The following CHD9 variants were observed in gnomAD, a reference collection of about 807,000 sequenced individuals.
CHD9 encodes the protein chromodomain helicase DNA binding protein 9, also known as ATP-dependent chromatin remodeler CHD9.
A neutral mutation model predicts 316.1 loss-of-function variants in CHD9; 77 were observed. That is an observed-to-expected ratio of 0.24 (90% CI 0.20 to 0.29). The LOEUF (loss-of-function observed/expected upper bound fraction) is 0.29. Ranked by LOEUF, CHD9 falls within the 10% of genes least tolerant of loss-of-function variation. CHD9 has a pLI of 1.00. For missense variants in CHD9, 2,763 were observed against 3,438.1 expected (o/e 0.80, Z 4.91); for synonymous variants, 1,129 against 1,158.3 (o/e 0.97, Z 0.51).
At position 53,110,791 on chromosome 16, in the gene CHD9, A is replaced by T. The variant is rs551868513; in HGVS notation, c.-164-45135A>T. On this transcript the variant is annotated intron_variant, in intron 1 of 38. Transcript: ENST00000447540. ...TAAAAATGTTAATAAAAATTTTTTT[A>T]AAACCAAAATATTCTGATTTTGAGA... 5.9e-4 allele frequency among the ~76,000 whole-genome samples: 90 copies of T among 152,296 alleles called. 2 individuals carry two copies. The South Asian group carries it at 0.018, about 31-fold the overall frequency.
At chr16:53,255,863 A>C (rs2050546968) in intron 19 of CHD9, 84 bp downstream of exon 19, 2 of 1,242,136 alleles carry the variant, frequency 1.6e-6, no homozygotes, top group South Asian at 2.9e-5. Context: ...CTTATACCGA[A>C]TGTTTAAACA....
Position 53,222,740 on chromosome 16 carries a change from A to G in CHD9, c.1881A>G (p.Lys627=). The G allele has an allele frequency of 6.6e-7, 1 of 1,516,418 alleles. No individual in the cohort carries two copies. The highest frequency in any genetic ancestry group is 9.0e-7 in the Non-Finnish European group (1 of 1,107,652). 93.9% of individuals were successfully genotyped at this position (1,516,418 alleles called of 1,614,324 possible). ...DAEQMPQHTL[K]DQDSQKRRSN... ...AACAGATGCCACAGCATACATTAAA[A>G]GATCAAGACTCTCAAGTGAGTATTA... Residue 627 remains lysine, a synonymous_variant, in exon 4 of 39, where the codon AAA becomes AAG. Transcript: ENST00000447540.
At chr16:53,113,041 G>A (rs2037989772) in intron 1 of CHD9, among the ~76,000 whole-genome samples, 2 of 151,854 alleles carry the variant, frequency 1.3e-5, no homozygotes, top group South Asian at 4.2e-4. Flanking sequence ...TAAATTATGT[G>A]TGCTTGGTGG....
Position 53,072,649 on chromosome 16 carries a change from T to C in CHD9, c.-165+17572T>C, listed in dbSNP as rs971038025. Among the ~76,000 whole-genome samples the C allele has an allele frequency of 2.3e-3, 356 of 152,184 alleles. 3 individuals are homozygous for C. The highest frequency in any genetic ancestry group is 8.3e-3 in the African/African-American group (343 of 41,538). ...CCTCAGCTTCCCAAAATGCTGGGAT[T>C]ATAGGTATGAGCCACTATGCCCAGC... On this transcript the variant is annotated intron_variant, in intron 1 of 38. Transcript: ENST00000447540.
intron 24 of CHD9, among the ~76,000 whole-genome samples, chr16:53,281,147 T>C (rs1186438898): frequency 6.6e-6 from 1 of 152,226 alleles, no homozygotes; most frequent in South Asian, 2.1e-4. Flanking sequence ...AAATCTGAAA[T>C]TTACATATTT....
At chr16:53,188,436 A>T (rs2152821267) in intron 2 of CHD9, among the ~76,000 whole-genome samples, 1 of 151,888 alleles carries the variant, frequency 6.6e-6, no homozygotes, top group Non-Finnish European at 1.5e-5. Context: ...TCCCACAGGT[A>T]GTGTATAAGG....
At chr16:53,319,512 A>G (rs1314147951) in intron 37 of CHD9, among the ~76,000 whole-genome samples, 2 of 152,214 alleles carry the variant, frequency 1.3e-5, no homozygotes, top group Non-Finnish European at 2.9e-5. Context: ...AAAGTGTAGC[A>G]TACATGTCTT....
At chr16:53,064,079 C>T (rs1555476172) in intron 1 of CHD9, among the ~76,000 whole-genome samples, 1 of 152,118 alleles carries the variant, frequency 6.6e-6, no homozygotes, top group Non-Finnish European at 1.5e-5. Context: ...AATGATCCTC[C>T]TGCCTCAGCC....
chr16:53,246,655 T>G (rs533412539), intron 15 of CHD9, among the ~76,000 whole-genome samples: 1 of 152,198 alleles, frequency 6.6e-6, no homozygotes, highest in Non-Finnish European at 1.5e-5. Context: ...TAACTAGAAC[T>G]AGGCATATGC....
At chr16:53,055,852 G>GTGGA (rs1490502313) in intron 1 of CHD9, among the ~76,000 whole-genome samples, 1 of 152,186 alleles carries the variant, frequency 6.6e-6, no homozygotes, top group Non-Finnish European at 1.5e-5. Flanking sequence ...AGACACCAGT[G>GTGGA]TGGAATGTGA....
chr16:53,090,030 T>C (rs1352185866), intron 1 of CHD9, among the ~76,000 whole-genome samples: 2 of 152,194 alleles, frequency 1.3e-5, no homozygotes, highest in Admixed American at 1.3e-4. Flanking sequence ...GCCAAGAGCA[T>C]CCTTTGCCAG....
At chr16:53,320,233 A>C (rs2057177784) in intron 37 of CHD9, among the ~76,000 whole-genome samples, 1 of 151,628 alleles carries the variant, frequency 6.6e-6, no homozygotes, top group African/African-American at 2.4e-5. Context: ...CCATGTAAGA[A>C]TACTTGTGTT....
chr16:53,240,632 CT>C (rs575407207), intron 12 of CHD9, among the ~76,000 whole-genome samples: 24 of 147,896 alleles, frequency 1.6e-4, no homozygotes, highest in East Asian at 2.0e-4. Context: ...TATTTAACTT[CT>C]TTTTTTTTTA....
intron 1 of CHD9, among the ~76,000 whole-genome samples, chr16:53,129,823 G>T (rs1241721431): frequency 3.3e-5 from 5 of 152,208 alleles, no homozygotes; most frequent in Non-Finnish European, 7.3e-5. Context: ...CCTGAAAGGA[G>T]GAGACCCTTA....
chr16:53,181,311 G>A (rs753829477), intron 2 of CHD9, among the ~76,000 whole-genome samples: 3 of 152,070 alleles, frequency 2.0e-5, no homozygotes, highest in Non-Finnish European at 4.4e-5. Context: ...GCACCTGGCC[G>A]AGAGCCACAA....
intron 30 of CHD9, among the ~76,000 whole-genome samples, chr16:53,302,793 G>A (rs1271777078): frequency 6.6e-6 from 1 of 152,058 alleles, no homozygotes; most frequent in Non-Finnish European, 1.5e-5. Flanking sequence ...TCCATATTTG[G>A]CATTAGGAGC....
chr16:53,086,756 C>A (rs1422865133), intron 1 of CHD9, among the ~76,000 whole-genome samples: 2 of 152,118 alleles, frequency 1.3e-5, no homozygotes, highest in East Asian at 1.9e-4. Flanking sequence ...GCGGAATGAA[C>A]CCTCATAACC....
At chr16:53,218,424 T>A (rs1324034938) in intron 3 of CHD9, among the ~76,000 whole-genome samples, 1 of 152,146 alleles carries the variant, frequency 6.6e-6, no homozygotes, top group Non-Finnish European at 1.5e-5. Flanking sequence ...GGGCAAGTGT[T>A]TAAGATTTAT....
Position 53,097,935 on chromosome 16 carries a change from A to C in CHD9, c.-165+42858A>C, listed in dbSNP as rs113549276. On this transcript the variant is annotated intron_variant, in intron 1 of 38. Transcript: ENST00000447540. ...AGGAGTTCGAGCCCAGCCTGGCCAA[A>C]ATGGTGAAACCCTGTCTCTACTAAA... 5.7e-4 allele frequency among the ~76,000 whole-genome samples: 79 copies of C among 139,146 alleles called. No individual in the cohort carries two copies. The Middle Eastern group carries it at 0.015, about 26-fold the overall frequency. 91.3% of individuals were successfully genotyped at this position (139,146 alleles called of 152,430 possible).
Sources: allele counts gnomAD v4.1 joint callset (sites outside exome capture counted in the v4.1 genomes callset), GRCh38; gene constraint gnomAD v4.1.1; transcripts MANE v1.5; gene names NCBI Gene and HGNC (gene_info 2026-07-23, HGNC 2026-07-21).